The following NR2F1-AS1 variants were observed in gnomAD, a reference collection of about 807,000 sequenced individuals.
NR2F1-AS1 encodes the protein NR2F1 regulatory antisense RNA 1.
intron 4 of NR2F1-AS1, chr5:93,553,647 C>G (rs1212076713): frequency 1.3e-5 from 2 of 152,208 alleles, no homozygotes; most frequent in Admixed American, 1.3e-4. Flanking sequence ...CATGGTTCAA[C>G]ATTCCAATAA....
Position 93,466,920 on chromosome 5 carries a change from G to A in NR2F1-AS1, n.639-71378C>T, listed in dbSNP as rs1450306740. ...TCCCTTTTTTGGGGGGGGGGGGGGT[G>A]GACGGAGTCTCACTGTGGTGCCCAG... On this transcript the variant is annotated intron_variant and non_coding_transcript_variant, in intron 4 of 5. Transcript: ENST00000660523. 1.0e-3 allele frequency among the ~76,000 whole-genome samples: 115 copies of A among 109,638 alleles called. 1 individual carries two copies. The highest frequency in any genetic ancestry group is 4.1e-3 in the African/African-American group (112 of 27,148). The allele number at this position is 109,638 out of a possible 152,430, so 71.9% of individuals were successfully genotyped here.
At chr5:93,533,786 A>C (rs1751781411) in intron 4 of NR2F1-AS1, among the ~76,000 whole-genome samples, 1 of 152,198 alleles carries the variant, frequency 6.6e-6, no homozygotes, top group Admixed American at 6.5e-5. Flanking sequence ...AGTAAGAGAA[A>C]GGCTTAAAAT....
intron 4 of NR2F1-AS1, among the ~76,000 whole-genome samples, chr5:93,420,089 G>A (rs775836625): frequency 3.9e-5 from 6 of 152,060 alleles, no homozygotes; most frequent in East Asian, 1.9e-4. Flanking sequence ...CCTGCTATTC[G>A]GAAGGCAGAG....
chr5:93,461,188 T>C (rs961330376), intron 4 of NR2F1-AS1, among the ~76,000 whole-genome samples: 1 of 152,156 alleles, frequency 6.6e-6, no homozygotes, highest in African/African-American at 2.4e-5. Flanking sequence ...TTGCAAGACA[T>C]GGATGGAGCT....
At chr5:93,464,507 AAG>A (rs1269204155) in intron 4 of NR2F1-AS1, among the ~76,000 whole-genome samples, 6 of 152,018 alleles carry the variant, frequency 3.9e-5, no homozygotes, top group African/African-American at 1.5e-4. Flanking sequence ...AAATTTGATT[AAG>A]AGTTTTTTAA....
intron 4 of NR2F1-AS1, among the ~76,000 whole-genome samples, chr5:93,444,421 T>C (rs577433025): frequency 1.3e-5 from 2 of 152,234 alleles, no homozygotes; most frequent in East Asian, 3.9e-4. Context: ...TCAAACAGAC[T>C]TTAAACCAAC....
At chr5:93,561,026 C>G (rs1752475223) in intron 2 of NR2F1-AS1, among the ~76,000 whole-genome samples, 1 of 152,238 alleles carries the variant, frequency 6.6e-6, no homozygotes, top group Admixed American at 6.5e-5. Flanking sequence ...GTAATCCCAG[C>G]ACTTTGGGAT....
chr5:93,418,101 A>C (rs182326250), intron 4 of NR2F1-AS1, among the ~76,000 whole-genome samples: 2 of 152,252 alleles, frequency 1.3e-5, no homozygotes, highest in African/African-American at 4.8e-5. Flanking sequence ...ATAGCCAACT[A>C]TTCTTTAGGC....
chr5:93,505,931 C>T (rs1395904109), intron 4 of NR2F1-AS1, among the ~76,000 whole-genome samples: 1 of 152,168 alleles, frequency 6.6e-6, no homozygotes, highest in Admixed American at 6.5e-5. Context: ...CTGCAGCTGG[C>T]TTGAATTTCT....
chr5:93,469,520 G>A (rs557321793), intron 4 of NR2F1-AS1, among the ~76,000 whole-genome samples: 8 of 152,052 alleles, frequency 5.3e-5, no homozygotes, highest in African/African-American at 1.7e-4. Context: ...ACCAACTAAA[G>A]CTCAGTAAAC....
intron 4 of NR2F1-AS1, among the ~76,000 whole-genome samples, chr5:93,418,732 G>A (rs1204759434): frequency 1.3e-5 from 2 of 152,164 alleles, no homozygotes; most frequent in African/African-American, 2.4e-5. Context: ...GCTCACCACA[G>A]TATTATGTTA....
chr5:93,487,624 C>A (rs932867108), intron 4 of NR2F1-AS1, among the ~76,000 whole-genome samples: 3 of 152,158 alleles, frequency 2.0e-5, no homozygotes, highest in African/African-American at 4.8e-5. Flanking sequence ...ACATTCCATG[C>A]TCATGGATAG....
upstream of NR2F1-AS1, chr5:93,585,557 CG>C: frequency 7.6e-7 from 1 of 1,309,072 alleles, no homozygotes; most frequent in South Asian, 1.4e-5. Context: ...CTTTCTCGCC[CG>C]GGTGGTTGCT....
At chr5:93,529,420 T>C (rs1450392816) in intron 4 of NR2F1-AS1, among the ~76,000 whole-genome samples, 1 of 152,032 alleles carries the variant, frequency 6.6e-6, no homozygotes, top group Non-Finnish European at 1.5e-5. Context: ...TAGTGAAAAA[T>C]TTGGTAATCA....
chr5:93,466,903 T>TTG (rs1343131466), intron 4 of NR2F1-AS1, among the ~76,000 whole-genome samples: 34 of 13,678 alleles, frequency 2.5e-3, no homozygotes, highest in African/African-American at 4.7e-3. Flanking sequence ...TATCCCTTTT[T>TTG]TGGGGGGGGG....
At chr5:93,511,220 T>C (rs979358436) in intron 4 of NR2F1-AS1, among the ~76,000 whole-genome samples, 1 of 152,152 alleles carries the variant, frequency 6.6e-6, no homozygotes, top group Non-Finnish European at 1.5e-5. Context: ...TGGTTGGCCA[T>C]CATCCAATTA....
intron 4 of NR2F1-AS1, among the ~76,000 whole-genome samples, chr5:93,505,270 C>T (rs922400715): frequency 1.3e-5 from 2 of 152,166 alleles, no homozygotes; most frequent in Non-Finnish European, 2.9e-5. Flanking sequence ...ATCCCTGTGG[C>T]TTTGCAGGGT....
At chr5:93,421,596 T>A (rs1310006516) in intron 4 of NR2F1-AS1, among the ~76,000 whole-genome samples, 1 of 152,132 alleles carries the variant, frequency 6.6e-6, no homozygotes, top group Non-Finnish European at 1.5e-5. Context: ...ATACTGCATT[T>A]GGTTAAGTGT....
chr5:93,474,850 T>C (rs913333037), intron 4 of NR2F1-AS1, among the ~76,000 whole-genome samples: 7 of 151,978 alleles, frequency 4.6e-5, no homozygotes, highest in African/African-American at 1.4e-4. Context: ...CCCGGCCAGG[T>C]GCGGTGGCTC....
Sources: allele counts gnomAD v4.1 joint callset (sites outside exome capture counted in the v4.1 genomes callset), GRCh38; gene constraint gnomAD v4.1.1; transcripts MANE v1.5; gene names NCBI Gene and HGNC (gene_info 2026-07-23, HGNC 2026-07-21).